Variants in DPP6 observed in about 807,000 individuals in gnomAD.
The protein encoded by DPP6 is dipeptidyl peptidase like 6, also known as A-type potassium channel modulatory protein DPP6.
A neutral mutation model predicts 122.6 loss-of-function variants in DPP6; 69 were observed. The ratio of observed to expected loss-of-function variants is 0.56; its 90% CI spans 0.46 to 0.69. The LOEUF (loss-of-function observed/expected upper bound fraction) is 0.69, where lower values mean the gene tolerates loss of function less well. Ranked by LOEUF, DPP6 falls within the 30% of genes least tolerant of loss-of-function variation. The pLI is 0.00. For synonymous variants in DPP6, 418 were observed against 433.1 expected (o/e 0.97, Z 0.43); for missense variants, 928 against 1,116.9 (o/e 0.83, Z 2.41).
intron 1 of DPP6, among the ~76,000 whole-genome samples, chr7:154,269,448 T>C (rs1803649987): frequency 6.6e-6 from 1 of 152,186 alleles, no homozygotes; most frequent in Non-Finnish European, 1.5e-5. Context: ...GTTCCCCTTG[T>C]CCTGCCCTTC....
chr7:154,402,854 A>G (rs368041856), intron 1 of DPP6, among the ~76,000 whole-genome samples: 12 of 152,288 alleles, frequency 7.9e-5, no homozygotes, highest in African/African-American at 2.4e-4. Context: ...GTTATTGGGA[A>G]AGCAATAAGG....
At chr7:153,985,396 C>T (rs1225343750) in intron 1 of DPP6, among the ~76,000 whole-genome samples, 1 of 152,214 alleles carries the variant, frequency 6.6e-6, no homozygotes, top group African/African-American at 2.4e-5. Flanking sequence ...TAGCTTTACT[C>T]ACAGTGGGAC....
intron 3 of DPP6, among the ~76,000 whole-genome samples, chr7:154,507,218 A>G (rs1825729995): frequency 6.6e-6 from 1 of 152,212 alleles, no homozygotes; most frequent in African/African-American, 2.4e-5. Flanking sequence ...AATGAACATT[A>G]GTGCAAGTAG....
intron 3 of DPP6, among the ~76,000 whole-genome samples, chr7:154,521,909 A>G (rs986532789): frequency 3.9e-5 from 6 of 152,122 alleles, no homozygotes; most frequent in African/African-American, 1.4e-4. Context: ...CTTACAAAAT[A>G]CAGTACCTGG....
rs189554078 is a variant in DPP6, at chr7:154,885,692, G to A, written c.2193G>A (p.Gln731=). Reference sequence around the variant, plus strand: ...CAGCAAAGGGAGAAAATCAAGGCCAGACATTCACCTGCGGCTCTGCTCTCT... The same window carrying A: ...CAGCAAAGGGAGAAAATCAAGGCCAAACATTCACCTGCGGCTCTGCTCTCT... The part of the protein sequence containing the change: ...ILPAKGENQG[Q]TFTCGSALSP... Residue 731 remains glutamine (Q), a synonymous_variant, in exon 22 of 26, where the codon CAG becomes CAA. Coordinates refer to ENST00000377770, the MANE Select transcript of DPP6 (RefSeq NM_130797.4). The A allele has an allele frequency of 5.9e-4, 941 of 1,598,850 alleles. 9 individuals are homozygous for A. The African/African-American group carries it at 0.011, about 19-fold the overall frequency.
chr7:154,105,397 C>T (rs1462348663), intron 1 of DPP6, among the ~76,000 whole-genome samples: 4 of 152,208 alleles, frequency 2.6e-5, no homozygotes, highest in Non-Finnish European at 4.4e-5. Context: ...CACTGCGGAG[C>T]CTGTGTCTGA....
chr7:153,752,565 A>G, the DPP6 span, among the ~76,000 whole-genome samples: 5 of 151,234 alleles, frequency 3.3e-5, no homozygotes, highest in Admixed American at 2.6e-4. Flanking sequence ...CTCTTTTTAC[A>G]TGGTCGCCTC....
At chr7:154,578,945 A>G (rs1831863661) in intron 5 of DPP6, among the ~76,000 whole-genome samples, 1 of 152,214 alleles carries the variant, frequency 6.6e-6, no homozygotes, top group African/African-American at 2.4e-5. Flanking sequence ...GAAGGAGCGT[A>G]ACAGTGGCTA....
intron 3 of DPP6, among the ~76,000 whole-genome samples, chr7:154,539,574 A>G (rs1828547512): frequency 6.6e-6 from 1 of 152,002 alleles, no homozygotes; most frequent in Admixed American, 6.6e-5. Context: ...TGGCACATGT[A>G]TACATATGTA....
intron 1 of DPP6, among the ~76,000 whole-genome samples, chr7:154,219,513 A>G (rs1800184299): frequency 6.6e-6 from 1 of 152,186 alleles, no homozygotes; most frequent in Admixed American, 6.6e-5. Flanking sequence ...TACCCATTGA[A>G]GAGTTTTTTG....
intron 1 of DPP6, among the ~76,000 whole-genome samples, chr7:153,893,805 C>T (rs1351807669): frequency 1.3e-5 from 2 of 152,108 alleles, no homozygotes; most frequent in Non-Finnish European, 2.9e-5. Flanking sequence ...AGAACAAAGA[C>T]GAGATTGTGG....
intron 1 of DPP6, chr7:154,305,335 T>TGGGGGCCCCC: frequency 2.0e-6 from 2 of 1,024,744 alleles, no homozygotes; most frequent in Non-Finnish European, 2.4e-6. Flanking sequence ...TCGTCTTGTC[T>TGGGGGCCCCC]ACCCACCCTC....
chr7:154,552,917 A>G lies in DPP6; in HGVS notation c.552+12291A>G, dbSNP rs149367928. On this transcript the variant is annotated intron_variant, in intron 4 of 25. Coordinates refer to ENST00000377770, the MANE Select transcript of DPP6 (RefSeq NM_130797.4). ...TCAGAAACAGATCAGCATTTTTTCA[A>G]TGTCAGTAAGTCATACAAATAATCA... Among the ~76,000 whole-genome samples the G allele has an allele frequency of 1.9e-3, 286 of 152,290 alleles. 1 individual carries two copies. The highest frequency in any genetic ancestry group is 6.4e-3 in the African/African-American group (267 of 41,564).
At chr7:154,199,109 C>T (rs868659085) in intron 1 of DPP6, among the ~76,000 whole-genome samples, 2 of 151,976 alleles carry the variant, frequency 1.3e-5, no homozygotes, top group Non-Finnish European at 2.9e-5. Flanking sequence ...AGCCCTGGCC[C>T]CTGAGTCAAG....
In DPP6 at chr7:154,306,284, G is replaced by T. The variant is rs1025508750; in HGVS notation, c.244-139930G>T. On this transcript the variant is annotated intron_variant, in intron 1 of 25. Coordinates refer to ENST00000377770, the MANE Select transcript of DPP6 (RefSeq NM_130797.4). ...AGGCCCAAGGGGTGAGGGAGGAAAGGTGAGTCAGCCAGCCGCTTCACCACG... is the reference window on the plus strand; with the variant it reads ...AGGCCCAAGGGGTGAGGGAGGAAAGTTGAGTCAGCCAGCCGCTTCACCACG... Among the ~76,000 whole-genome samples the T allele has an allele frequency of 2.6e-5, 4 of 152,324 alleles. No individual in the cohort carries two copies. The South Asian group carries it at 6.2e-4, about 24-fold the overall frequency.
At chr7:154,225,182 C>T (rs1800522333) in intron 1 of DPP6, among the ~76,000 whole-genome samples, 1 of 151,998 alleles carries the variant, frequency 6.6e-6, no homozygotes, top group South Asian at 2.1e-4. Flanking sequence ...TAAATAAAAA[C>T]ATACTGATTT....
At chr7:153,754,138 A>T in the DPP6 span, among the ~76,000 whole-genome samples, 1 of 152,226 alleles carries the variant, frequency 6.6e-6, no homozygotes. Context: ...CCACAAGGAC[A>T]GGGATAGCAA....
chr7:154,236,928 T>G (rs181011931), intron 1 of DPP6, among the ~76,000 whole-genome samples: 6 of 152,032 alleles, frequency 3.9e-5, no homozygotes, highest in Admixed American at 3.9e-4. Flanking sequence ...TTGCACAACC[T>G]CCCTCCACAC....
chr7:154,750,633 G>A (rs1030327580), intron 8 of DPP6, among the ~76,000 whole-genome samples: 9 of 152,120 alleles, frequency 5.9e-5, no homozygotes, highest in Non-Finnish European at 1.3e-4. Flanking sequence ...CTTCCCTTCC[G>A]CCACGCTTCC....
Sources: gnomAD v4.1 joint callset for allele counts (sites outside exome capture counted in the v4.1 genomes callset) on GRCh38, gnomAD v4.1.1 for gene constraint, MANE v1.5 for transcripts, NCBI Gene and HGNC (gene_info 2026-07-23, HGNC 2026-07-21) for gene names.